The following GNL3L variants were observed in gnomAD, a reference collection of about 807,000 sequenced individuals.
The protein encoded by GNL3L is guanine nucleotide-binding protein-like 3-like protein.
GNL3L carries 4 observed loss-of-function variants against 42.9 expected under a neutral mutation model. The ratio of observed to expected loss-of-function variants is 0.09; its 90% CI spans 0.05 to 0.21. The LOEUF is 0.21. Ranked by LOEUF, GNL3L falls within the 10% of genes least tolerant of loss-of-function variation. The pLI, the probability that GNL3L is intolerant of heterozygous loss-of-function variation, is 1.00. For synonymous variants in GNL3L, 159 were observed against 176.3 expected (o/e 0.90, Z 0.78); for missense variants, 412 against 481.7 (o/e 0.86, Z 1.36).
chrX:54,631,550 T>G, the GNL3L span, among the ~76,000 whole-genome samples: 3 of 111,982 alleles, frequency 2.7e-5, no homozygotes, highest in Non-Finnish European at 5.6e-5. Context: ...TGTTTTTGCT[T>G]TAAAGTCTGT....
intron 16 of GNL3L, among the ~76,000 whole-genome samples, chrX:54,607,607 C>G (rs765997318): frequency 3.9e-4 from 43 of 110,474 alleles, no homozygotes; most frequent in Non-Finnish European, 6.8e-4. Context: ...GGAGTTTGCA[C>G]TGGCCAGATC....
Position 54,603,238 on chromosome X carries a change from ATAAT to A in GNL3L, c.*46-17604_*46-17601del, listed in dbSNP as rs745513043. Among the ~76,000 whole-genome samples the A allele has an allele frequency of 2.0e-3, 227 of 111,747 alleles. 1 individual carries two copies. The Middle Eastern group carries it at 0.023, about 11-fold the overall frequency. ...TATAACTCATTGAATAAAATGGGAAATAATTAGTTCACATTTATATAAATAAATA... is the reference window on the plus strand; with the variant it reads ...TATAACTCATTGAATAAAATGGGAAATAGTTCACATTTATATAAATAAATA... On this transcript the variant is annotated intron_variant, in intron 16 of 16. Coordinates refer to the GNL3L transcript ENST00000674498.
At chrX:54,588,900 T>G (rs1175051608) in intron 16 of GNL3L, among the ~76,000 whole-genome samples, 2 of 112,658 alleles carry the variant, frequency 1.8e-5, no homozygotes, top group Non-Finnish European at 3.7e-5. Flanking sequence ...AATTCAATTT[T>G]TTTGATATCC....
chrX:54,543,474 C>G (rs1924684006), intron 7 of GNL3L, 132 bp downstream of exon 7: 3 of 664,910 alleles, frequency 4.5e-6, no homozygotes, highest in East Asian at 7.1e-5. Flanking sequence ...AATTTTTGTT[C>G]CGATTTTCAA....
chrX:54,586,269 A>T (rs1925780415), intron 16 of GNL3L, among the ~76,000 whole-genome samples: 1 of 110,737 alleles, frequency 9.0e-6, no homozygotes, highest in Non-Finnish European at 1.9e-5. Flanking sequence ...GCTATGGGAG[A>T]GCCCCTTGAC....
rs1925421053 is a variant in GNL3L at position 54,566,109 on chromosome X, T to C, written c.*5507T>C. On this transcript the variant is annotated 3_prime_UTR_variant, in exon 16 of 16. Coordinates refer to ENST00000360845, the MANE Select transcript of GNL3L (RefSeq NM_001184819.2). The stretch of plus-strand genomic sequence containing the variant: ...GTTCTGGGATTACAGGCATGAGCCA[T>C]TGTGCCTGGCCAGTATCTTGTCTTC... 8.9e-6 allele frequency among the ~76,000 whole-genome samples: 1 copy of C among 111,790 alleles called. No individual in the cohort carries two copies. The highest frequency in any genetic ancestry group is 9.6e-5 in the Admixed American group (1 of 10,459).
chrX:54,555,688 C>T (rs1386721762), intron 14 of GNL3L, among the ~76,000 whole-genome samples: 2 of 82,195 alleles, frequency 2.4e-5, no homozygotes, highest in African/African-American at 5.2e-5. Flanking sequence ...ACTGTGTTGG[C>T]CAGGCTGGTC....
intron 3 of GNL3L, 83 bp from the exon 4 acceptor site, chrX:54,540,052 C>T (rs1924561224): frequency 3.5e-6 from 2 of 569,228 alleles, no homozygotes; most frequent in Admixed American, 2.7e-5. Context: ...ATGTTGTCTT[C>T]CTTCTAGGGC....
At chrX:54,634,980 C>T in the GNL3L span, among the ~76,000 whole-genome samples, 14 of 108,232 alleles carry the variant, frequency 1.3e-4, no homozygotes, top group Non-Finnish European at 1.3e-4. Flanking sequence ...TTAGTAGAGA[C>T]AGGGTTTTGC....
intron 16 of GNL3L, among the ~76,000 whole-genome samples, chrX:54,611,864 T>G (rs1347127250): frequency 8.9e-6 from 1 of 112,155 alleles, no homozygotes; most frequent in Non-Finnish European, 1.9e-5. Flanking sequence ...TTGGAGAAAG[T>G]TCCATGTGCT....
At chrX:54,544,466 G>T in intron 8 of GNL3L, 140 bp downstream of exon 8, 2 of 383,055 alleles carry the variant, frequency 5.2e-6, no homozygotes, top group East Asian at 4.6e-5. Flanking sequence ...GCTCCACCGA[G>T]TGACTTTTTT....
intron 13 of GNL3L, among the ~76,000 whole-genome samples, chrX:54,552,887 G>A (rs1330842670): frequency 8.9e-6 from 1 of 112,105 alleles, no homozygotes; most frequent in African/African-American, 3.2e-5. Context: ...GTCAGCAGAG[G>A]TGGCCTTTGA....
chrX:54,530,677 G>A (rs943816600), intron 1 of GNL3L, among the ~76,000 whole-genome samples: 3 of 111,661 alleles, frequency 2.7e-5, no homozygotes, highest in African/African-American at 9.8e-5. Context: ...GACAGGAGTC[G>A]ACCCACCAAA....
At chrX:54,552,068 C>G in intron 12 of GNL3L, 94 bp downstream of exon 12, 1 of 1,026,260 alleles carries the variant, frequency 9.7e-7, no homozygotes, top group Non-Finnish European at 1.3e-6. Context: ...GGCAGCTTGA[C>G]TTCCTGGGTC....
the GNL3L span, among the ~76,000 whole-genome samples, chrX:54,640,376 T>C: frequency 8.9e-6 from 1 of 112,138 alleles, no homozygotes; most frequent in Non-Finnish European, 1.9e-5. Flanking sequence ...TCAGCAGAGC[T>C]TGAGGCCATG....
At chrX:54,530,738 G>A (rs1924220108) in intron 1 of GNL3L, among the ~76,000 whole-genome samples, 1 of 112,226 alleles carries the variant, frequency 8.9e-6, no homozygotes, top group South Asian at 3.7e-4. Context: ...CCTCCACCCA[G>A]CTGAGCAGCG....
chrX:54,556,486 G>C (rs1264509378), intron 14 of GNL3L, among the ~76,000 whole-genome samples: 2 of 110,736 alleles, frequency 1.8e-5, no homozygotes, highest in Non-Finnish European at 3.8e-5. Context: ...GAGATTTTGG[G>C]TGGGGACACA....
At chrX:54,624,223 C>T (rs1414003503), downstream of GNL3L, among the ~76,000 whole-genome samples, 3 of 110,852 alleles carry the variant, frequency 2.7e-5, no homozygotes, top group Admixed American at 9.5e-5. Context: ...AGGCATAAGC[C>T]ACTGCATCCA....
rs374261045 is a variant in GNL3L at position 54,539,013 on chromosome X, C to G, written c.20-27C>G. 6.1e-5 allele frequency: 61 copies of G among 994,025 alleles called. No homozygotes were observed. In the African/African-American group the frequency reaches 1.2e-3, roughly 19 times the overall value. 81.9% of individuals were successfully genotyped at this position (994,025 alleles called of 1,213,427 possible). A position where few individuals can be genotyped will look rare whatever the true frequency, so the allele number is the denominator to read the frequency against. The stretch of plus-strand genomic sequence containing the variant: ...AATATCGTGTAGATGGATGACGGCT[C>G]TTTTCTTTCTTTTTTTTCTTTTGTA... On this transcript the variant is annotated intron_variant, in intron 2 of 15. Coordinates refer to ENST00000360845, the MANE Select transcript of GNL3L (RefSeq NM_001184819.2).
Sources: allele counts gnomAD v4.1 joint callset (sites outside exome capture counted in the v4.1 genomes callset), GRCh38; gene constraint gnomAD v4.1.1; transcripts MANE v1.5; gene names NCBI Gene and HGNC (gene_info 2026-07-23, HGNC 2026-07-21).